WDR35: variants seen among roughly 807,000 people sequenced by gnomAD.
WDR35 encodes WD repeat-containing protein 35.
Under a neutral mutation model 158.3 loss-of-function variants are expected in WDR35, and 118 were observed. The observed-to-expected ratio is 0.75, with a 90% CI of 0.64 to 0.87. The LOEUF (loss-of-function observed/expected upper bound fraction) is 0.87, where lower values mean the gene tolerates loss of function less well. Ranked by LOEUF, WDR35 falls within the 40% of genes least tolerant of loss-of-function variation. The probability of loss-of-function intolerance (pLI) is 0.00; values close to 1 mark genes in which losing one functional copy is unlikely to be tolerated. For synonymous variants in WDR35, 448 were observed against 476.1 expected, an observed-to-expected ratio of 0.94 and a Z score of 0.77; for missense variants, 1,263 against 1,405.8, an observed-to-expected ratio of 0.90 and a Z score of 1.62.
rs1173653614 is a variant in WDR35, at chr2:19,973,630, C to G, written c.815G>C (p.Gly272Ala). 6.2e-7 allele frequency: 1 copy of G among 1,614,082 alleles called. No individual in the cohort carries two copies. The highest frequency in any genetic ancestry group is 1.3e-5 in the African/African-American group (1 of 74,934). ...GTCCTGCATGGCTGCCTTCTGGAAG[C>G]CTGCCACAGCTAACACGCTGCCCAT... is the stretch of plus-strand genomic sequence containing the variant. ...NHMGSVLAVA[G>A]FQKAAMQDKD... Residue 272 changes from glycine (G) to alanine (A), a missense_variant, in exon 8 of 27, where the codon GGC becomes GCC. Coordinates refer to ENST00000281405, the MANE Select transcript of WDR35 (RefSeq NM_020779.4).
In WDR35 at chr2:19,932,367, T is replaced by C. The variant is rs774699751; in HGVS notation, c.2739A>G (p.Leu913=). ...CATCAAGAGTTTTATTCTTTTCCAG[T>C]AAATGAGATGCATACCTAGCTAACA... ...GSLLARYASH[L]LEKNKTLDAI... The change falls in exon 23 of 27, where the codon TTA becomes TTG. Residue 913 remains leucine, a synonymous_variant. Transcript: ENST00000281405. The C allele has an allele frequency of 4.3e-6, 7 of 1,613,262 alleles. No individual in the cohort carries two copies. The East Asian group carries it at 1.3e-4, about 31-fold the overall frequency.
Position 19,989,278 on chromosome 2 carries a change from G to A in WDR35, c.29C>T (p.Ser10Phe). The A allele has an allele frequency of 6.2e-7, 1 of 1,614,082 alleles. No homozygotes were observed. The highest frequency in any genetic ancestry group is 8.5e-7 in the Non-Finnish European group (1 of 1,179,954). MFFYLSKKISIPNNVKLQCV... is the reference protein window; with the variant it reads MFFYLSKKIFIPNNVKLQCV... ...CTGCAGCTTCACGTTATTGGGAATG[G>A]AAATCTGAAAAAGCAACCACAGCCG... The change falls in exon 2 of 27, where the codon TCC becomes TTC. Residue 10 changes from serine (S) to phenylalanine (F), a missense_variant. Coordinates refer to ENST00000281405, the MANE Select transcript of WDR35 (RefSeq NM_020779.4).
chr2:19,963,537 G>C (rs562532273), intron 10 of WDR35, among the ~76,000 whole-genome samples: 1 of 152,100 alleles, frequency 6.6e-6, no homozygotes, highest in South Asian at 2.1e-4. Context: ...TGACTCACTG[G>C]ACACACTGCA....
At chr2:19,951,392 CT>C in intron 13 of WDR35, 22 bp downstream of exon 13, 1 of 1,577,426 alleles carries the variant, frequency 6.3e-7, no homozygotes, top group Non-Finnish European at 8.7e-7. Flanking sequence ...TTAACATTTT[CT>C]GGAAAAATTA....
chr2:19,988,756 C>A (rs149689406), intron 2 of WDR35, among the ~76,000 whole-genome samples: 46 of 152,288 alleles, frequency 3.0e-4, no homozygotes, highest in Middle Eastern at 3.4e-3. Flanking sequence ...ATTTTCTGTT[C>A]TTGGACACTA....
At chr2:19,928,696 T>G (rs1670434428) in intron 25 of WDR35, among the ~76,000 whole-genome samples, 1 of 152,136 alleles carries the variant, frequency 6.6e-6, no homozygotes, top group Admixed American at 6.5e-5. Flanking sequence ...ACTATTAATA[T>G]CATCATCACA....
At chr2:19,935,046 T>G (rs949327194) in intron 21 of WDR35, 2 of 153,354 alleles carry the variant, frequency 1.3e-5, no homozygotes, top group African/African-American at 4.8e-5. Context: ...CTCTTTTAAC[T>G]TGAAATACTT....
intron 17 of WDR35, among the ~76,000 whole-genome samples, chr2:19,941,211 G>T (rs935743586): frequency 6.6e-6 from 1 of 151,948 alleles, no homozygotes; most frequent in Non-Finnish European, 1.5e-5. Context: ...AATTCTCAAA[G>T]GATGGTCAAT....
intron 13 of WDR35, among the ~76,000 whole-genome samples, chr2:19,949,802 G>A (rs1223858459): frequency 6.6e-6 from 1 of 152,146 alleles, no homozygotes; most frequent in Admixed American, 6.6e-5. Context: ...AGAATCCAGA[G>A]GACTTGGTGA....
intron 2 of WDR35, among the ~76,000 whole-genome samples, chr2:19,984,345 T>C (rs1672487635): frequency 1.3e-5 from 2 of 152,176 alleles, no homozygotes; most frequent in African/African-American, 4.8e-5. Context: ...AAGTTTTAAA[T>C]GATGTAGAGT....
intron 10 of WDR35, 33 bp from the exon 11 acceptor site, chr2:19,960,647 T>C (rs976374919): frequency 5.4e-6 from 8 of 1,490,836 alleles, no homozygotes; most frequent in Admixed American, 5.1e-5. Context: ...GTATCAGAAC[T>C]CCTGCTTATG....
chr2:19,965,907 G>A (rs1359250979), intron 10 of WDR35, among the ~76,000 whole-genome samples: 2 of 152,168 alleles, frequency 1.3e-5, no homozygotes, highest in African/African-American at 4.8e-5. Flanking sequence ...TAAGCCAGTT[G>A]CCTCTGTTTT....
chr2:19,973,549 T>C lies in WDR35; in HGVS notation c.882+14A>G. On this transcript the variant is annotated intron_variant, in intron 8 of 26. Transcript: ENST00000281405. Reference sequence around the variant, plus strand: ...TTAAATAGAAAGAAAGAAGATCAATTTGAATGCATTTACCTCACCAAACGG... The same window carrying C: ...TTAAATAGAAAGAAAGAAGATCAATCTGAATGCATTTACCTCACCAAACGG... 6.2e-7 allele frequency: 1 copy of C among 1,614,122 alleles called. No homozygotes were observed. The highest frequency in any genetic ancestry group is 8.5e-7 in the Non-Finnish European group (1 of 1,180,002).
At chr2:19,920,051 C>G (rs1465222925) in intron 25 of WDR35, among the ~76,000 whole-genome samples, 2 of 152,152 alleles carry the variant, frequency 1.3e-5, no homozygotes, top group Admixed American at 6.5e-5. Context: ...AATCCCTGAA[C>G]AGATCAATAA....
At position 19,937,485 on chromosome 2, in the gene WDR35, T is replaced by C. The variant is rs60670545; in HGVS notation, c.2267+258A>G. Among the ~76,000 whole-genome samples, 2,253 of 152,116 alleles carry C rather than the reference T, an allele frequency of 0.015. 52 individuals carry two copies. The highest frequency in any genetic ancestry group is 0.052 in the African/African-American group (2,150 of 41,486). Reference sequence around the variant, plus strand: ...GATCCCAGTCTCTGTTGTTCTATCATTTTTTCCCATCAAATGAAAAAAAAA... The same window carrying C: ...GATCCCAGTCTCTGTTGTTCTATCACTTTTTCCCATCAAATGAAAAAAAAA... On this transcript the variant is annotated intron_variant, in intron 19 of 26. Transcript: ENST00000281405.
intron 25 of WDR35, among the ~76,000 whole-genome samples, chr2:19,916,799 G>A (rs990025218): frequency 2.6e-5 from 4 of 152,242 alleles, no homozygotes; most frequent in Admixed American, 1.3e-4. Context: ...TATGGGCGCA[G>A]CTCCAACAGA....
Position 19,910,649 on chromosome 2 carries a change from T to C in WDR35, c.*2909A>G, listed in dbSNP as rs1424833294. On this transcript the variant is annotated 3_prime_UTR_variant, in exon 27 of 27. Coordinates refer to ENST00000281405, the MANE Select transcript of WDR35 (RefSeq NM_020779.4). ...GTCTTCAATATACTACCTAATTCTG[T>C]TTATGCAACTTCTCACCAGGTAATT... The C allele has an allele frequency of 1.3e-5, 2 of 152,236 alleles. No individual in the cohort carries two copies. The highest frequency in any genetic ancestry group is 2.9e-5 in the Non-Finnish European group (2 of 68,040). 9.4% of individuals were successfully genotyped at this position (152,236 alleles called of 1,614,324 possible). A position where few individuals can be genotyped will look rare whatever the true frequency, so the allele number is the denominator to read the frequency against.
intron 25 of WDR35, among the ~76,000 whole-genome samples, chr2:19,915,635 T>A (rs1342250936): frequency 6.6e-6 from 1 of 151,810 alleles, no homozygotes. Flanking sequence ...ATAAAAATAA[T>A]TTTTATATAT....
At chr2:19,923,321 A>G (rs1352386420) in intron 25 of WDR35, among the ~76,000 whole-genome samples, 1 of 152,128 alleles carries the variant, frequency 6.6e-6, no homozygotes, top group Non-Finnish European at 1.5e-5. Flanking sequence ...ACAGTTGGAG[A>G]ACGTGGAACT....
Sources: allele counts gnomAD v4.1 joint callset (sites outside exome capture counted in the v4.1 genomes callset), GRCh38; gene constraint gnomAD v4.1.1; transcripts MANE v1.5; gene names NCBI Gene and HGNC (gene_info 2026-07-23, HGNC 2026-07-21).